CLCN4: variants seen among roughly 807,000 people sequenced by gnomAD.
CLCN4 encodes Cl-/H+ antiporter 4, also known as H(+)/Cl(-) exchange transporter 4.
A neutral mutation model predicts 41.7 loss-of-function variants in CLCN4; 1 was observed. The observed-to-expected ratio is 0.02, with a 90% CI of 0.01 to 0.11. The LOEUF (loss-of-function observed/expected upper bound fraction) is 0.11. Among genes scored for constraint, CLCN4 ranks in the 10% least tolerant of loss-of-function variants. The probability of loss-of-function intolerance (pLI) is 1.00; values close to 1 mark genes in which losing one functional copy is unlikely to be tolerated. For missense variants in CLCN4, 287 were observed against 661.0 expected (o/e 0.43, Z 6.20); for synonymous variants, 277 against 285.8 (o/e 0.97, Z 0.31).
At chrX:10,160,627 G>T (rs1291485612) in intron 2 of CLCN4, among the ~76,000 whole-genome samples, 3 of 111,737 alleles carry the variant, frequency 2.7e-5, no homozygotes, top group Non-Finnish European at 5.6e-5. Context: ...GAAACGACAC[G>T]ACATCTGGTG....
Position 10,186,192 on chromosome X carries a change from G to A in CLCN4, c.144+1016G>A, listed in dbSNP as rs182194978. ...GTGTAGATGCGTTGGTTTGAGCTGC[G>A]CTGCGGATGGGTGATCACAGGTGGC... On this transcript the variant is annotated intron_variant, in intron 3 of 12. Coordinates refer to ENST00000380833, the MANE Select transcript of CLCN4 (RefSeq NM_001830.4). Among the ~76,000 whole-genome samples, 74 of 109,691 alleles carry A rather than the reference G, an allele frequency of 6.7e-4. 1 individual carries two copies. The highest frequency in any genetic ancestry group is 2.3e-3 in the African/African-American group (70 of 30,085).
At chrX:10,158,875 G>A (rs1923024296) in intron 2 of CLCN4, among the ~76,000 whole-genome samples, 1 of 113,533 alleles carries the variant, frequency 8.8e-6, no homozygotes, top group Non-Finnish European at 1.9e-5. Flanking sequence ...CACACTGCAT[G>A]CATTCTAAGT....
chrX:10,196,864 C>T (rs987775971), intron 5 of CLCN4, among the ~76,000 whole-genome samples: 9 of 112,085 alleles, frequency 8.0e-5, no homozygotes, highest in African/African-American at 2.3e-4. Context: ...TACTTTGATT[C>T]GAAGAATTAC....
In CLCN4 at chrX:10,158,504, G is replaced by T. The variant is rs963618369; in HGVS notation, c.-59G>T. 37 of 297,002 alleles carry T rather than the reference G, an allele frequency of 1.2e-4. No homozygotes were observed. The highest frequency in any genetic ancestry group is 9.5e-4 in the African/African-American group (35 of 37,033). 24.5% of individuals were successfully genotyped at this position (297,002 alleles called of 1,213,427 possible). A position where few individuals can be genotyped will look rare whatever the true frequency, so the allele number is the denominator to read the frequency against. On this transcript the variant is annotated 5_prime_UTR_variant, in exon 2 of 13. The change creates a premature stop within an existing upstream ORF in the 5' untranslated region. Transcript: ENST00000380833. Reference sequence around the variant, plus strand: ...CCGTCGCGCTGAAGAAAGGATGCTCGAGGATGCTGTCCAGGTGGGCGGCCG... The same window carrying T: ...CCGTCGCGCTGAAGAAAGGATGCTCTAGGATGCTGTCCAGGTGGGCGGCCG...
chrX:10,225,804 C>T (rs900250631), intron 12 of CLCN4, among the ~76,000 whole-genome samples: 1 of 111,685 alleles, frequency 9.0e-6, no homozygotes, highest in African/African-American at 3.3e-5. Flanking sequence ...TTTCAATTTT[C>T]TGCATATAGC....
Position 10,220,706 on chromosome X carries a change from T to G in CLCN4, c.2021T>G (p.Met674Arg). ...RQEGIVSNSI[M>R]YFTEEPPELP... ...GAGGGCATTGTGAGCAATTCCATCATGTACTTCACGGAGGAACCCCCCGAG... is the reference window on the plus strand; with the variant it reads ...GAGGGCATTGTGAGCAATTCCATCAGGTACTTCACGGAGGAACCCCCCGAG... The change falls in exon 12 of 13, where the codon ATG (methionine) becomes AGG (arginine). Residue 674 changes from methionine (M) to arginine (R), a missense_variant. This residue lies in a region of CLCN4 where 71 missense variants were observed against 104.5 expected (regional missense o/e 0.68). Transcript: ENST00000380833. 8.3e-7 allele frequency: 1 copy of G among 1,211,450 alleles called. No individual in the cohort carries two copies. Among genetic ancestry groups the G allele is most frequent in the Non-Finnish European group, 1.1e-6 (1 of 895,376 alleles).
At chrX:10,185,412 G>A (rs752992118) in intron 3 of CLCN4, among the ~76,000 whole-genome samples, 1 of 111,556 alleles carries the variant, frequency 9.0e-6, no homozygotes, top group East Asian at 2.8e-4. Flanking sequence ...AGGGGACTTT[G>A]CAGGTGCCAT....
chrX:10,199,136 GA>G (rs1924171817), intron 6 of CLCN4, among the ~76,000 whole-genome samples: 2 of 112,641 alleles, frequency 1.8e-5, no homozygotes, highest in Admixed American at 1.9e-4. Context: ...TCAGGAACCT[GA>G]AAAATAAGCT....
intron 4 of CLCN4, 27 bp downstream of exon 4, chrX:10,187,641 C>T (rs370726692): frequency 5.9e-5 from 66 of 1,112,587 alleles, no homozygotes; most frequent in Non-Finnish European, 7.3e-5. Flanking sequence ...GCGGCACTCC[C>T]GTGGGAAGCT....
In CLCN4 at chrX:10,206,432, G is replaced by T; in HGVS notation, c.630G>T (p.Thr210=). 1 of 1,209,862 alleles carries T rather than the reference G, an allele frequency of 8.3e-7. No homozygotes were observed. The highest frequency in any genetic ancestry group is 1.1e-6 in the Non-Finnish European group (1 of 894,621). Residue 210 remains threonine (T), a synonymous_variant, in exon 7 of 13, where the codon ACG becomes ACT. Transcript: ENST00000380833. ...GGACCCTGCTAATCAAGACAGTCAC[G>T]CTGGTGCTGGTAGTGTCCTCCGGTC... ...GKWTLLIKTV[T]LVLVVSSGLS... is the part of the protein sequence containing the mutation.
At chrX:10,224,293 CGTGTGTGTGTGTGTGT>C (rs772983564) in intron 12 of CLCN4, among the ~76,000 whole-genome samples, 119 of 87,898 alleles carry the variant, frequency 1.4e-3, no homozygotes, top group African/African-American at 4.9e-3. Context: ...GGGAGGGTTC[CGTGTGTGTGTGTGTGT>C]GTGTGTGTGT....
At chrX:10,173,736 A>G (rs756177001) in intron 2 of CLCN4, among the ~76,000 whole-genome samples, 4 of 112,228 alleles carry the variant, frequency 3.6e-5, no homozygotes, top group South Asian at 3.7e-4. Flanking sequence ...CAGCACCTGC[A>G]GTTTAACCAG....
In CLCN4 at chrX:10,235,773, T is replaced by C. The variant is rs1049005741; in HGVS notation, c.*2189T>C. ...TTTGTTTGTGTAATTCATTGACCTC[T>C]TCCTTCCAAAATAACATCAAGTAGC... is the stretch of plus-strand genomic sequence containing the variant. On this transcript the variant is annotated 3_prime_UTR_variant, in exon 13 of 13. Transcript: ENST00000380833. The C allele has an allele frequency of 1.8e-5, 2 of 112,781 alleles. No individual in the cohort carries two copies. Among genetic ancestry groups the C allele is most frequent in the African/African-American group, 6.4e-5 (2 of 31,010 alleles). 9.3% of individuals were successfully genotyped at this position (112,781 alleles called of 1,213,427 possible). A position where few individuals can be genotyped will look rare whatever the true frequency, so the allele number is the denominator to read the frequency against.
chrX:10,210,009 T>G (rs1924503817), intron 9 of CLCN4, among the ~76,000 whole-genome samples: 3 of 111,461 alleles, frequency 2.7e-5, no homozygotes, highest in Admixed American at 9.5e-5. Flanking sequence ...ATTCCCCATT[T>G]TTCCCTCCTG....
intron 3 of CLCN4, among the ~76,000 whole-genome samples, chrX:10,186,420 C>T (rs1923812895): frequency 9.0e-6 from 1 of 111,148 alleles, no homozygotes; most frequent in Non-Finnish European, 1.9e-5. Flanking sequence ...AAGAGGGGAC[C>T]CTGCCAAGAG....
intron 6 of CLCN4, among the ~76,000 whole-genome samples, chrX:10,204,613 CTTTTTTTTTTTTTTTTTTT>C (rs61453535): frequency 6.2e-4 from 17 of 27,344 alleles, no homozygotes; most frequent in Non-Finnish European, 8.2e-4. Context: ...AGCTAGTAGT[CTTTTTTTTTTTTTTTTTTT>C]TTTTTTTTTT....
rs1310983602 is a variant in CLCN4, at chrX:10,174,653, C to T, written c.-11-10369C>T. Among the ~76,000 whole-genome samples the T allele has an allele frequency of 1.1e-4, 12 of 111,737 alleles. No homozygotes were observed. In the Admixed American group the frequency reaches 1.1e-3, roughly 11 times the overall value. ...GGAGCCCAGTTGCTCCCTAATTCCC[C>T]CCACCCTGTGCCCTGCTGTCAGCCC... On this transcript the variant is annotated intron_variant, in intron 2 of 12. Transcript: ENST00000380833.
chrX:10,212,720 G>T (rs1924594970), intron 10 of CLCN4, 67 bp downstream of exon 10: 1 of 986,945 alleles, frequency 1.0e-6, no homozygotes, highest in African/African-American at 1.9e-5. Flanking sequence ...CTGCCAAGAA[G>T]GAAGACATGG....
intron 11 of CLCN4, among the ~76,000 whole-genome samples, chrX:10,216,595 T>G (rs751576870): frequency 9.1e-6 from 1 of 110,306 alleles, no homozygotes; most frequent in East Asian, 2.9e-4. Context: ...ACTCTCAGGT[T>G]TTTTTGGTCT....
Sources: gnomAD v4.1 joint callset for allele counts (sites outside exome capture counted in the v4.1 genomes callset) on GRCh38, gnomAD v4.1.1 for gene constraint, gnomAD v4.1.1 regional missense constraint, MANE v1.5 for transcripts, NCBI Gene and HGNC (gene_info 2026-07-23, HGNC 2026-07-21) for gene names.